The following CFAP95 variants were observed in gnomAD, a reference collection of about 807,000 sequenced individuals.
CFAP95 encodes the protein cilia- and flagella-associated protein 95.
chr9:69,857,107 A>G, the CFAP95 span, among the ~76,000 whole-genome samples: 1 of 152,344 alleles, frequency 6.6e-6, no homozygotes, highest in Middle Eastern at 3.4e-3. Context: ...TGAAGTGTGC[A>G]TAGAAGTATT....
the CFAP95 span, among the ~76,000 whole-genome samples, chr9:69,901,946 C>T: frequency 5.3e-5 from 8 of 152,050 alleles, no homozygotes; most frequent in African/African-American, 1.4e-4. Flanking sequence ...CCAATGATGA[C>T]GAGCATTTTT....
At chr9:69,837,996 C>G in the CFAP95 span, among the ~76,000 whole-genome samples, 2 of 152,188 alleles carry the variant, frequency 1.3e-5, no homozygotes, top group African/African-American at 4.8e-5. Context: ...GGAATCCTTT[C>G]CCCATTGCTT....
At chr9:69,831,023 A>G in the CFAP95 span, among the ~76,000 whole-genome samples, 1 of 152,182 alleles carries the variant, frequency 6.6e-6, no homozygotes, top group Non-Finnish European at 1.5e-5. Context: ...TTGAAATACA[A>G]TTATGTTTTA....
chr9:69,901,050 T>C, the CFAP95 span, among the ~76,000 whole-genome samples: 1 of 152,050 alleles, frequency 6.6e-6, no homozygotes. Context: ...TGGTGTGTGA[T>C]GTTCCCCTTC....
the CFAP95 span, among the ~76,000 whole-genome samples, chr9:69,835,782 T>TTATCCGTTTTGTA: frequency 2.6e-4 from 39 of 152,304 alleles, no homozygotes; most frequent in East Asian, 6.9e-3. Context: ...TACAAAACAA[T>TTATCCGTTTTGTA]ATGAAAGGTG....
the CFAP95 span, chr9:69,856,577 A>G: frequency 4.4e-6 from 7 of 1,609,116 alleles, no homozygotes; most frequent in Non-Finnish European, 5.1e-6. Context: ...GAAACACATG[A>G]AAAGTTGTCA....
chr9:69,881,942 T>A, the CFAP95 span, among the ~76,000 whole-genome samples: 2 of 152,070 alleles, frequency 1.3e-5, no homozygotes, highest in African/African-American at 2.4e-5. Context: ...GATTAGGTTT[T>A]TTTTAAATTT....
At chr9:69,830,017 C>T in the CFAP95 span, among the ~76,000 whole-genome samples, 2 of 152,134 alleles carry the variant, frequency 1.3e-5, no homozygotes, top group African/African-American at 2.4e-5. Context: ...AGAAAGGCAG[C>T]GGTAAGCTGG....
the CFAP95 span, among the ~76,000 whole-genome samples, chr9:69,841,164 T>TTTTATATATATATATA: frequency 0.013 from 754 of 55,970 alleles, 83 homozygotes; most frequent in Non-Finnish European, 0.021. Flanking sequence ...CCAAGCTGGA[T>TTTTATATATATATATA]TATATATATA....
At chr9:69,892,505 C>T in the CFAP95 span, among the ~76,000 whole-genome samples, 2 of 152,134 alleles carry the variant, frequency 1.3e-5, no homozygotes, top group Non-Finnish European at 2.9e-5. Flanking sequence ...AGAGGAATTG[C>T]CTTTGGTTTT....
the CFAP95 span, among the ~76,000 whole-genome samples, chr9:69,862,400 C>A: frequency 1.3e-5 from 2 of 152,146 alleles, no homozygotes; most frequent in Non-Finnish European, 2.9e-5. Context: ...CTTCAACCGG[C>A]CCCTACTAAT....
the CFAP95 span, among the ~76,000 whole-genome samples, chr9:69,822,245 G>T: frequency 3.3e-5 from 5 of 152,180 alleles, no homozygotes; most frequent in Non-Finnish European, 7.3e-5. Flanking sequence ...GCTTTTGAAA[G>T]AAATGAGTGA....
At chr9:69,883,521 T>C in the CFAP95 span, among the ~76,000 whole-genome samples, 2 of 152,300 alleles carry the variant, frequency 1.3e-5, no homozygotes, top group South Asian at 4.1e-4. Flanking sequence ...GAAAGTGAAC[T>C]TTAAAATGGT....
chr9:69,830,392 G>T, the CFAP95 span, among the ~76,000 whole-genome samples: 3 of 152,138 alleles, frequency 2.0e-5, no homozygotes, highest in Admixed American at 1.3e-4. Flanking sequence ...CTGCAGTGGA[G>T]AAGGAATAGC....
the CFAP95 span, among the ~76,000 whole-genome samples, chr9:69,851,741 G>A: frequency 4.6e-5 from 7 of 152,180 alleles, no homozygotes; most frequent in South Asian, 6.2e-4. Flanking sequence ...GGTGGTGCAC[G>A]TTTGTAGTCC....
the CFAP95 span, among the ~76,000 whole-genome samples, chr9:69,861,730 C>CAAAAAAAAAAAA: frequency 1.2e-5 from 1 of 86,848 alleles, no homozygotes; most frequent in Non-Finnish European, 2.2e-5. Context: ...TCTTATGAGT[C>CAAAAAAAAAAAA]AAAAAAAAAA....
chr9:69,869,257 A>T, the CFAP95 span, among the ~76,000 whole-genome samples: 1 of 152,198 alleles, frequency 6.6e-6, no homozygotes, highest in Admixed American at 6.5e-5. Context: ...GTGTCCGTTG[A>T]TGGATATTAT....
chr9:69,835,380 A>G, the CFAP95 span, among the ~76,000 whole-genome samples: 23 of 152,206 alleles, frequency 1.5e-4, no homozygotes, highest in African/African-American at 4.6e-4. Context: ...GCTCAGATTC[A>G]AACCCCTTTG....
At chr9:69,855,031 T>A in the CFAP95 span, among the ~76,000 whole-genome samples, 1 of 152,220 alleles carries the variant, frequency 6.6e-6, no homozygotes, top group African/African-American at 2.4e-5. Flanking sequence ...TATAAAGAGA[T>A]CCTTCATTAA....
Sources: gnomAD v4.1 joint callset for allele counts (sites outside exome capture counted in the v4.1 genomes callset) on GRCh38, gnomAD v4.1.1 for gene constraint, MANE v1.5 for transcripts, NCBI Gene and HGNC (gene_info 2026-07-23, HGNC 2026-07-21) for gene names.